The following SMOC2 variants were observed in gnomAD, a reference collection of about 807,000 sequenced individuals.
SMOC2 encodes SPARC related modular calcium binding 2.
Under a neutral mutation model 61.4 loss-of-function variants are expected in SMOC2, and 39 were observed. The observed-to-expected ratio is 0.64, with a 90% CI of 0.49 to 0.83. The LOEUF (loss-of-function observed/expected upper bound fraction) is 0.83, where lower values mean the gene tolerates loss of function less well. SMOC2 is among the 40% of genes least tolerant of loss of function. SMOC2 has a pLI of 0.00. For missense variants in SMOC2, 556 were observed against 592.9 expected (o/e 0.94, Z 0.65); for synonymous variants, 247 against 239.9 (o/e 1.03, Z -0.27).
intron 9 of SMOC2, among the ~76,000 whole-genome samples, chr6:168,648,759 A>G (rs1472330383): frequency 6.6e-6 from 1 of 152,146 alleles, no homozygotes; most frequent in African/African-American, 2.4e-5. Flanking sequence ...GTTTTCTGAC[A>G]TGTGTGTTTA....
At chr6:168,644,041 G>A (rs1304997160) in intron 9 of SMOC2, among the ~76,000 whole-genome samples, 1 of 152,242 alleles carries the variant, frequency 6.6e-6, no homozygotes, top group Admixed American at 6.5e-5. Flanking sequence ...AAGAAGCACA[G>A]CATTTAATAA....
chr6:168,556,845 G>A, intron 7 of SMOC2, among the ~76,000 whole-genome samples: 1 of 145,506 alleles, frequency 6.9e-6, no homozygotes, highest in African/African-American at 2.6e-5. Flanking sequence ...TGGAGAGAAC[G>A]TAGAGGCCTC....
chr6:168,656,905 C>A (rs1051695880), intron 11 of SMOC2, among the ~76,000 whole-genome samples: 5 of 152,250 alleles, frequency 3.3e-5, no homozygotes, highest in African/African-American at 9.6e-5. Flanking sequence ...GGCCGCCTCC[C>A]TTCGCTCTGT....
At chr6:168,463,063 G>C (rs1157216877) in intron 1 of SMOC2, among the ~76,000 whole-genome samples, 1 of 152,234 alleles carries the variant, frequency 6.6e-6, no homozygotes, top group Non-Finnish European at 1.5e-5. Context: ...TTCCCACAGG[G>C]GAGTTGGAGC....
At chr6:168,571,745 C>T (rs1419257790) in intron 7 of SMOC2, among the ~76,000 whole-genome samples, 2 of 152,184 alleles carry the variant, frequency 1.3e-5, no homozygotes, top group African/African-American at 2.4e-5. Flanking sequence ...CCGAGGGAGA[C>T]TGATGTTTCC....
intron 7 of SMOC2, among the ~76,000 whole-genome samples, chr6:168,586,838 C>T (rs1785056496): frequency 6.6e-6 from 1 of 152,080 alleles, no homozygotes; most frequent in Non-Finnish European, 1.5e-5. Flanking sequence ...TTGTCATTTT[C>T]ACTTATTAAT....
intron 8 of SMOC2, among the ~76,000 whole-genome samples, chr6:168,599,299 CCACA>C (rs148009987): frequency 2.3e-4 from 30 of 129,922 alleles, no homozygotes; most frequent in Non-Finnish European, 4.0e-4. Context: ...CACACACATA[CCACA>C]CACACACCCC....
chr6:168,608,709 G>A lies in SMOC2; in HGVS notation c.907+470G>A, dbSNP rs567524755. Among the ~76,000 whole-genome samples, 25 of 151,578 alleles carry A rather than the reference G, an allele frequency of 1.6e-4. No individual in the cohort carries two copies. The South Asian group carries it at 3.3e-3, about 20-fold the overall frequency. On this transcript the variant is annotated intron_variant, in intron 9 of 12. Coordinates refer to ENST00000356284, the MANE Select transcript of SMOC2 (RefSeq NM_001166412.2). Reference sequence around the variant, plus strand: ...TTGAGTTTAATTACAAAGAAATATTGTAATTAAACAGAGGTGAATTAAAAT... The same window carrying A: ...TTGAGTTTAATTACAAAGAAATATTATAATTAAACAGAGGTGAATTAAAAT...
chr6:168,659,442 G>T (rs1787416692), intron 11 of SMOC2, among the ~76,000 whole-genome samples: 1 of 151,200 alleles, frequency 6.6e-6, no homozygotes, highest in African/African-American at 2.4e-5. Context: ...GAGGGTGGAG[G>T]TTGTAGGGTT....
chr6:168,514,349 G>A (rs560133204), intron 2 of SMOC2, among the ~76,000 whole-genome samples: 1 of 152,078 alleles, frequency 6.6e-6, no homozygotes, highest in African/African-American at 2.4e-5. Context: ...TCATTGGCTA[G>A]GAAGGACAGT....
At chr6:168,549,105 T>C (rs964349485) in intron 6 of SMOC2, 24 bp from the exon 7 acceptor site, 4 of 1,600,616 alleles carry the variant, frequency 2.5e-6, no homozygotes, top group Non-Finnish European at 3.4e-6. Context: ...TTAAAGATGC[T>C]TGTCATTTCA....
At chr6:168,477,061 A>T (rs1050793939) in intron 1 of SMOC2, among the ~76,000 whole-genome samples, 7 of 152,224 alleles carry the variant, frequency 4.6e-5, no homozygotes, top group African/African-American at 1.7e-4. Context: ...TTGAGTCCCA[A>T]TTAAGGTTGG....
chr6:168,634,389 T>C (rs542710376), intron 9 of SMOC2, among the ~76,000 whole-genome samples: 9 of 152,216 alleles, frequency 5.9e-5, no homozygotes, highest in Non-Finnish European at 1.2e-4. Context: ...GGGTTGGCTG[T>C]AATTAAAATG....
At chr6:168,546,272 AAAAAAG>A (rs1783996362) in intron 5 of SMOC2, among the ~76,000 whole-genome samples, 1 of 149,740 alleles carries the variant, frequency 6.7e-6, no homozygotes, top group Admixed American at 6.6e-5. Flanking sequence ...AAAAAAAAAA[AAAAAAG>A]GATGATCCTG....
intron 1 of SMOC2, among the ~76,000 whole-genome samples, chr6:168,484,264 C>T (rs1294395764): frequency 6.6e-6 from 1 of 151,916 alleles, no homozygotes; most frequent in Non-Finnish European, 1.5e-5. Context: ...TGATGTTTAA[C>T]TTATGCAAAG....
intron 1 of SMOC2, among the ~76,000 whole-genome samples, chr6:168,450,914 A>T (rs910658674): frequency 6.6e-6 from 1 of 152,210 alleles, no homozygotes; most frequent in Non-Finnish European, 1.5e-5. Flanking sequence ...TGGCACCCCC[A>T]CATGATACTT....
intron 1 of SMOC2, among the ~76,000 whole-genome samples, chr6:168,483,292 C>G (rs543899775): frequency 2.6e-5 from 4 of 152,066 alleles, no homozygotes; most frequent in Non-Finnish European, 5.9e-5. Context: ...CTTCTGTACA[C>G]TAATGATGGA....
intron 2 of SMOC2, among the ~76,000 whole-genome samples, chr6:168,520,282 C>T (rs1360918093): frequency 1.3e-5 from 2 of 152,170 alleles, no homozygotes; most frequent in Non-Finnish European, 2.9e-5. Flanking sequence ...GGGTAAAATA[C>T]TACAACTTTT....
rs556421906 is a variant in SMOC2 at position 168,494,283 on chromosome 6, G to A, written c.85-15632G>A. 5.3e-5 allele frequency among the ~76,000 whole-genome samples: 8 copies of A among 152,300 alleles called. No individual in the cohort carries two copies. The South Asian group carries it at 1.5e-3, about 28-fold the overall frequency. On this transcript the variant is annotated intron_variant, in intron 1 of 12. Coordinates refer to ENST00000356284, the MANE Select transcript of SMOC2 (RefSeq NM_001166412.2). ...AGGACATGGCAAAGTTTTGGTCTGGGCTCAGGTAGTTCAGTGGTAGGGCAG... is the reference window on the plus strand; with the variant it reads ...AGGACATGGCAAAGTTTTGGTCTGGACTCAGGTAGTTCAGTGGTAGGGCAG...
Sources: gnomAD v4.1 joint callset for allele counts (sites outside exome capture counted in the v4.1 genomes callset) on GRCh38, gnomAD v4.1.1 for gene constraint, MANE v1.5 for transcripts, NCBI Gene and HGNC (gene_info 2026-07-23, HGNC 2026-07-21) for gene names.